CIB4: variants seen among roughly 807,000 people sequenced by gnomAD.
The protein encoded by CIB4 is calcium and integrin binding family member 4.
CIB4 carries 25 observed loss-of-function variants against 25.8 expected under a neutral mutation model. The observed-to-expected ratio is 0.97, with a 90% CI of 0.71 to 1.35. The LOEUF (loss-of-function observed/expected upper bound fraction) is 1.35. Ranked by LOEUF, CIB4 falls within the 40% of genes most tolerant of loss-of-function variation. CIB4 has a pLI of 0.00. For missense variants in CIB4, 235 were observed against 228.2 expected (o/e 1.03, Z -0.19); for synonymous variants, 75 against 81.4 (o/e 0.92, Z 0.42).
chr2:26,625,050 A>C (rs115823349), intron 3 of CIB4, among the ~76,000 whole-genome samples: 1,848 of 152,068 alleles, frequency 0.012, 45 homozygotes, highest in African/African-American at 0.043. Context: ...TGTACCCACA[A>C]ATTTTTTTGT....
At chr2:26,625,211 G>A (rs1669276958) in intron 3 of CIB4, among the ~76,000 whole-genome samples, 1 of 152,192 alleles carries the variant, frequency 6.6e-6, no homozygotes, top group Non-Finnish European at 1.5e-5. Flanking sequence ...ACACCCGTCA[G>A]TGACAGAAAG....
intron 2 of CIB4, among the ~76,000 whole-genome samples, chr2:26,631,281 C>A (rs545089459): frequency 2.8e-4 from 43 of 152,128 alleles, no homozygotes; most frequent in African/African-American, 1.0e-3. Context: ...TTGAGACCAC[C>A]CTAGGCAATA....
intron 3 of CIB4, among the ~76,000 whole-genome samples, chr2:26,621,408 C>G (rs1669203387): frequency 6.6e-6 from 1 of 152,044 alleles, no homozygotes; most frequent in Non-Finnish European, 1.5e-5. Context: ...CATCTAAACT[C>G]TCAGTCAAAG....
intron 2 of CIB4, among the ~76,000 whole-genome samples, chr2:26,629,866 G>T (rs1669382959): frequency 6.6e-6 from 1 of 152,126 alleles, no homozygotes; most frequent in Non-Finnish European, 1.5e-5. Context: ...CAGTCCCTCG[G>T]TTACGGATGG....
At chr2:26,630,560 G>A (rs1669397620) in intron 2 of CIB4, among the ~76,000 whole-genome samples, 3 of 152,112 alleles carry the variant, frequency 2.0e-5, no homozygotes, top group South Asian at 4.1e-4. Context: ...GGTGGATGGC[G>A]GGTGGTGGGG....
intron 4 of CIB4, among the ~76,000 whole-genome samples, chr2:26,591,928 C>T (rs1203173613): frequency 1.3e-5 from 2 of 152,208 alleles, no homozygotes; most frequent in Non-Finnish European, 2.9e-5. Flanking sequence ...TGAGCAGATT[C>T]CCCCAGTCAA....
At chr2:26,594,026 T>C (rs1470127725) in intron 4 of CIB4, among the ~76,000 whole-genome samples, 2 of 152,188 alleles carry the variant, frequency 1.3e-5, no homozygotes, top group Admixed American at 6.5e-5. Context: ...GTCCAGTGTT[T>C]CCACTCACTG....
chr2:26,617,145 T>TGTGTGTGTGTGTGTGTGTGTGTGC (rs1381689008), intron 3 of CIB4, among the ~76,000 whole-genome samples: 13 of 139,026 alleles, frequency 9.4e-5, no homozygotes, highest in African/African-American at 3.3e-4. Flanking sequence ...TGTGTGTGTG[T>TGTGTGTGTGTGTGTGTGTGTGTGC]GTGCACGTGA....
At chr2:26,609,127 G>A (rs1410072214) in intron 3 of CIB4, among the ~76,000 whole-genome samples, 2 of 152,192 alleles carry the variant, frequency 1.3e-5, no homozygotes, top group Non-Finnish European at 2.9e-5. Flanking sequence ...GAATTACGAC[G>A]GTAATGAGAA....
intron 3 of CIB4, among the ~76,000 whole-genome samples, chr2:26,612,573 G>A (rs1261696091): frequency 6.6e-6 from 1 of 151,992 alleles, no homozygotes; most frequent in Non-Finnish European, 1.5e-5. Flanking sequence ...AAGGAGGAAG[G>A]GACTCAAGAA....
intron 2 of CIB4, among the ~76,000 whole-genome samples, chr2:26,639,318 A>G: frequency 6.6e-6 from 1 of 151,786 alleles, no homozygotes; most frequent in East Asian, 1.9e-4. Context: ...TCTACATTAG[A>G]TATTTCTCTT....
chr2:26,631,163 G>A (rs970227509), intron 2 of CIB4, among the ~76,000 whole-genome samples: 14 of 152,274 alleles, frequency 9.2e-5, no homozygotes, highest in Non-Finnish European at 1.8e-4. Flanking sequence ...GCTCTGATTG[G>A]TGGAATTTAG....
chr2:26,633,840 C>T (rs1237229135), intron 2 of CIB4, among the ~76,000 whole-genome samples: 1 of 152,186 alleles, frequency 6.6e-6, no homozygotes, highest in Non-Finnish European at 1.5e-5. Context: ...GGGTGGAGGT[C>T]ACTCTGCTGC....
At chr2:26,625,931 C>T (rs1394421687) in intron 3 of CIB4, among the ~76,000 whole-genome samples, 1 of 152,198 alleles carries the variant, frequency 6.6e-6, no homozygotes, top group East Asian at 1.9e-4. Flanking sequence ...AGGAAGGCAT[C>T]TGGTTTCACA....
At chr2:26,585,037 C>G (rs1260378157) in intron 4 of CIB4, among the ~76,000 whole-genome samples, 1 of 152,188 alleles carries the variant, frequency 6.6e-6, no homozygotes, top group Non-Finnish European at 1.5e-5. Flanking sequence ...AAAATATGGT[C>G]ATTACATAAA....
chr2:26,632,864 G>C (rs1669449866), intron 2 of CIB4, among the ~76,000 whole-genome samples: 1 of 152,088 alleles, frequency 6.6e-6, no homozygotes. Context: ...TTGCTGGCTT[G>C]AGGTGATAAA....
intron 4 of CIB4, among the ~76,000 whole-genome samples, chr2:26,592,388 G>A (rs763647801): frequency 2.6e-5 from 4 of 152,214 alleles, no homozygotes; most frequent in Non-Finnish European, 5.9e-5. Flanking sequence ...GGTAAGGAAG[G>A]GGGAACGCTG....
intron 3 of CIB4, among the ~76,000 whole-genome samples, chr2:26,603,109 T>G (rs1668823921): frequency 6.6e-6 from 1 of 152,108 alleles, no homozygotes. Flanking sequence ...ATCCATTACT[T>G]CTGTCTAATT....
chr2:26,623,393 T>C (rs1465133769), intron 3 of CIB4: 1 of 323,902 alleles, frequency 3.1e-6, no homozygotes, highest in Admixed American at 3.4e-5. Context: ...AAAAATACAC[T>C]ACCATTCCCA....
Sources: gnomAD v4.1 joint callset for allele counts (sites outside exome capture counted in the v4.1 genomes callset) on GRCh38, gnomAD v4.1.1 for gene constraint, MANE v1.5 for transcripts, NCBI Gene and HGNC (gene_info 2026-07-23, HGNC 2026-07-21) for gene names.